AUTS2: variants seen among roughly 807,000 people sequenced by gnomAD.
The protein encoded by AUTS2 is autism susceptibility gene 2 protein.
AUTS2 carries 17 observed loss-of-function variants against 112.4 expected under a neutral mutation model. The observed-to-expected ratio is 0.15, with a 90% CI of 0.10 to 0.23. The LOEUF is 0.23. Ranked by LOEUF, AUTS2 falls within the 10% of genes least tolerant of loss-of-function variation. The pLI, the probability that AUTS2 is intolerant of heterozygous loss-of-function variation, is 1.00. For synonymous variants in AUTS2, 751 were observed against 702.7 expected, an observed-to-expected ratio of 1.07 and a Z score of -1.09; for missense variants, 1,510 against 1,701.6, an observed-to-expected ratio of 0.89 and a Z score of 1.98.
intron 1 of AUTS2, among the ~76,000 whole-genome samples, chr7:69,817,221 T>G (rs1249899541): frequency 6.6e-6 from 1 of 152,210 alleles, no homozygotes; most frequent in Non-Finnish European, 1.5e-5. Flanking sequence ...AGTAAAGGGA[T>G]TGCTAAGATA....
chr7:70,270,292 T>C (rs930649956), intron 4 of AUTS2, among the ~76,000 whole-genome samples: 1 of 152,192 alleles, frequency 6.6e-6, no homozygotes, highest in Non-Finnish European at 1.5e-5. Flanking sequence ...AATAGTATTG[T>C]CTACTATTTC....
At chr7:69,696,973 A>T (rs1311427434) in intron 1 of AUTS2, among the ~76,000 whole-genome samples, 2 of 152,238 alleles carry the variant, frequency 1.3e-5, no homozygotes, top group Non-Finnish European at 2.9e-5. Context: ...GAGTTATCTT[A>T]TTCAGTTGTC....
At chr7:70,365,813 C>T (rs573580658) in intron 4 of AUTS2, among the ~76,000 whole-genome samples, 1 of 152,340 alleles carries the variant, frequency 6.6e-6, no homozygotes, top group Non-Finnish European at 1.5e-5. Context: ...TGACAACTAT[C>T]ATAGTTTTAA....
intron 5 of AUTS2, among the ~76,000 whole-genome samples, chr7:70,574,005 G>C (rs1202522632): frequency 1.3e-5 from 2 of 152,106 alleles, no homozygotes; most frequent in African/African-American, 4.8e-5. Flanking sequence ...GCCTGGCTGT[G>C]CAGTTGGGAG....
intron 5 of AUTS2, among the ~76,000 whole-genome samples, chr7:70,617,531 C>T (rs71549368): frequency 0.11 from 16,687 of 151,986 alleles, 1,082 homozygotes; most frequent in Middle Eastern, 0.21. Context: ...GGCGTGGTGG[C>T]GGGCGCCTGT....
At chr7:70,672,788 A>C (rs554645819) in intron 5 of AUTS2, among the ~76,000 whole-genome samples, 1 of 151,918 alleles carries the variant, frequency 6.6e-6, no homozygotes, top group Non-Finnish European at 1.5e-5. Context: ...TTTTTAGTAG[A>C]GACGGGGTTT....
At chr7:70,097,811 A>G (rs553175538) in intron 2 of AUTS2, among the ~76,000 whole-genome samples, 4 of 152,220 alleles carry the variant, frequency 2.6e-5, no homozygotes, top group African/African-American at 2.4e-5. Context: ...GCCTCTTGAC[A>G]TGCATGCTTC....
At chr7:69,996,835 A>T (rs7795152) in intron 2 of AUTS2, among the ~76,000 whole-genome samples, 2 of 151,618 alleles carry the variant, frequency 1.3e-5, no homozygotes, top group African/African-American at 4.9e-5. Context: ...GTATGTTTAC[A>T]TGAAAAAATA....
intron 6 of AUTS2, among the ~76,000 whole-genome samples, chr7:70,705,513 A>C (rs35567493): frequency 6.6e-6 from 1 of 152,066 alleles, no homozygotes; most frequent in Non-Finnish European, 1.5e-5. Context: ...CTACTTGCCC[A>C]GTCTGTGCTT....
chr7:69,977,452 G>A (rs1162795889), intron 2 of AUTS2, among the ~76,000 whole-genome samples: 1 of 152,082 alleles, frequency 6.6e-6, no homozygotes, highest in African/African-American at 2.4e-5. Flanking sequence ...ATTTTAGGAT[G>A]CATTTTTCTA....
chr7:70,342,173 C>T (rs555408892), intron 4 of AUTS2, among the ~76,000 whole-genome samples: 41 of 152,284 alleles, frequency 2.7e-4, no homozygotes, highest in South Asian at 1.5e-3. Context: ...GTAGGCACCA[C>T]ATTCATTTTT....
At chr7:70,522,015 G>A (rs573202231) in intron 5 of AUTS2, among the ~76,000 whole-genome samples, 6 of 152,258 alleles carry the variant, frequency 3.9e-5, no homozygotes, top group Non-Finnish European at 8.8e-5. Context: ...TACAGAATAA[G>A]GGGTAGCTTT....
At chr7:69,657,350 T>C (rs1295734444) in intron 1 of AUTS2, among the ~76,000 whole-genome samples, 1 of 152,246 alleles carries the variant, frequency 6.6e-6, no homozygotes, top group Non-Finnish European at 1.5e-5. Context: ...GATATTCCAT[T>C]GACCTTTCAC....
At chr7:69,721,821 A>G (rs1798960227) in intron 1 of AUTS2, among the ~76,000 whole-genome samples, 1 of 152,074 alleles carries the variant, frequency 6.6e-6, no homozygotes, top group Non-Finnish European at 1.5e-5. Flanking sequence ...GAAGTTGGAG[A>G]GATGTAGAAA....
chr7:69,749,700 T>G (rs1787655496), intron 1 of AUTS2, among the ~76,000 whole-genome samples: 1 of 152,242 alleles, frequency 6.6e-6, no homozygotes, highest in Non-Finnish European at 1.5e-5. Flanking sequence ...GCTTAAGTTA[T>G]TTGTTTTATA....
At chr7:70,488,243 C>A (rs1484925009) in intron 5 of AUTS2, among the ~76,000 whole-genome samples, 1 of 152,122 alleles carries the variant, frequency 6.6e-6, no homozygotes, top group Non-Finnish European at 1.5e-5. Context: ...TGCTGGGCAC[C>A]AGTGTGGCTA....
intron 2 of AUTS2, among the ~76,000 whole-genome samples, chr7:69,977,888 T>C (rs1419977409): frequency 6.6e-6 from 1 of 152,214 alleles, no homozygotes; most frequent in African/African-American, 2.4e-5. Flanking sequence ...CCCCAGGTTT[T>C]AAGCCAGTAC....
In AUTS2 at chr7:69,875,035, C is replaced by CT. The variant is rs551755692; in HGVS notation, c.310-24240dup. On this transcript the variant is annotated intron_variant, in intron 1 of 18. Transcript: ENST00000342771. ...TATTGACTATAATCTACCCCCAACC[C>CT]TTTTTTTTTTTCCATTTTCATCTTT... Among the ~76,000 whole-genome samples, 135 of 146,046 alleles carry CT rather than the reference C, an allele frequency of 9.2e-4. 1 individual carries two copies. The highest frequency in any genetic ancestry group is 7.0e-3 in the Middle Eastern group (2 of 286).
At chr7:70,495,555 C>T (rs1011119566) in intron 5 of AUTS2, among the ~76,000 whole-genome samples, 2 of 151,714 alleles carry the variant, frequency 1.3e-5, no homozygotes, top group South Asian at 2.1e-4. Context: ...ACACACCCCC[C>T]GCACATGCAC....
Sources: allele counts gnomAD v4.1 joint callset (sites outside exome capture counted in the v4.1 genomes callset), GRCh38; gene constraint gnomAD v4.1.1; transcripts MANE v1.5; gene names NCBI Gene and HGNC (gene_info 2026-07-23, HGNC 2026-07-21).